The following CDC14A variants were observed in gnomAD, a reference collection of about 807,000 sequenced individuals.
CDC14A encodes dual specificity protein phosphatase CDC14A.
A neutral mutation model predicts 74.4 loss-of-function variants in CDC14A; 53 were observed. That is an observed-to-expected ratio of 0.71 (90% confidence interval 0.57 to 0.89). CDC14A has a LOEUF of 0.89. Among genes scored for constraint, CDC14A ranks in the 40% least tolerant of loss-of-function variants. The pLI is 0.00. For synonymous variants in CDC14A, 247 were observed against 258.4 expected (o/e 0.96, Z 0.43); for missense variants, 646 against 713.7 (o/e 0.91, Z 1.08).
Position 100,519,895 on chromosome 1 carries a change from A to G in CDC14A, c.*1615A>G, listed in dbSNP as rs1278360907. On this transcript the variant is annotated 3_prime_UTR_variant, in exon 16 of 16. Coordinates refer to ENST00000336454, the MANE Select transcript of CDC14A (RefSeq NM_003672.4). ...GTATTTTTTTCAAGTTATCATAAAAAGTAATTCAGATGACATTTGAGAAGT... is the reference window on the plus strand; with the variant it reads ...GTATTTTTTTCAAGTTATCATAAAAGGTAATTCAGATGACATTTGAGAAGT... 1 of 152,274 alleles carries G rather than the reference A, an allele frequency of 6.6e-6. No homozygotes were observed. The allele number at this position is 152,274 out of a possible 1,614,324, so 9.4% of individuals were successfully genotyped here. A position where few individuals can be genotyped will look rare whatever the true frequency, so the allele number is the denominator to read the frequency against.
At chr1:100,399,893 ATTTG>A (rs1467001032) in intron 4 of CDC14A, among the ~76,000 whole-genome samples, 2 of 152,016 alleles carry the variant, frequency 1.3e-5, no homozygotes, top group African/African-American at 4.8e-5. Context: ...ATCTGTGTCT[ATTTG>A]TTTCAATAGA....
Position 100,519,193 on chromosome 1 carries a change from G to A in CDC14A, c.*913G>A, listed in dbSNP as rs1211626245. ...CTGCTTTGGGTATGAGGTTGTTGTT[G>A]CCTGTAATCACACATGGTTTGACAT... On this transcript the variant is annotated 3_prime_UTR_variant, in exon 16 of 16. Coordinates refer to ENST00000336454, the MANE Select transcript of CDC14A (RefSeq NM_003672.4). The A allele has an allele frequency of 6.6e-6, 1 of 151,934 alleles. No individual in the cohort carries two copies. Among genetic ancestry groups the A allele is most frequent in the Admixed American group, 6.6e-5 (1 of 15,246 alleles). 9.4% of individuals were successfully genotyped at this position (151,934 alleles called of 1,614,324 possible).
At chr1:100,487,028 G>A (rs1348395401) in intron 11 of CDC14A, among the ~76,000 whole-genome samples, 1 of 152,166 alleles carries the variant, frequency 6.6e-6, no homozygotes, top group Non-Finnish European at 1.5e-5. Context: ...GATTGAGAAT[G>A]CTGTAAGAAT....
chr1:100,353,686 G>C (rs1296143134), intron 1 of CDC14A, 76 bp from the exon 2 acceptor site: 2 of 742,058 alleles, frequency 2.7e-6, no homozygotes, highest in Non-Finnish European at 4.7e-6. Context: ...GTGATCCTTC[G>C]TATGTTACCA....
At chr1:100,501,406 C>G (rs1211438582) in intron 15 of CDC14A, among the ~76,000 whole-genome samples, 2 of 152,066 alleles carry the variant, frequency 1.3e-5, no homozygotes. Flanking sequence ...CAATGGTGGT[C>G]CCATAAGACT....
intron 6 of CDC14A, 123 bp from the exon 7 acceptor site, chr1:100,442,811 A>T: frequency 1.4e-6 from 1 of 692,412 alleles, no homozygotes; most frequent in Non-Finnish European, 2.5e-6. Context: ...TGCATTAAAC[A>T]TCAAAGGTTT....
Position 100,402,151 on chromosome 1 carries a change from AT to A in CDC14A, c.309+11328del, listed in dbSNP as rs560701901. ...TGCATTCATTATGAAAAAAAAAAAA[AT>A]CGGAAAGGAGGTACTCAAAGCCCTG... is the stretch of plus-strand genomic sequence containing the variant. On this transcript the variant is annotated intron_variant, in intron 4 of 15. Transcript: ENST00000336454. 3.7e-3 allele frequency among the ~76,000 whole-genome samples: 559 copies of A among 151,968 alleles called. 4 individuals carry two copies. Among genetic ancestry groups the A allele is most frequent in the Middle Eastern group, 0.017 (5 of 294 alleles).
intron 7 of CDC14A, among the ~76,000 whole-genome samples, chr1:100,452,278 G>C (rs542114297): frequency 6.6e-6 from 1 of 152,252 alleles, no homozygotes; most frequent in Non-Finnish European, 1.5e-5. Flanking sequence ...TTGGGAGGCT[G>C]AGGTGGGTGG....
At chr1:100,459,120 C>CAGAGAG (rs1157099545) in intron 8 of CDC14A, among the ~76,000 whole-genome samples, 8 of 148,606 alleles carry the variant, frequency 5.4e-5, no homozygotes, top group African/African-American at 2.1e-4. Context: ...CACACACACA[C>CAGAGAG]ACACACAGAG....
intron 10 of CDC14A, among the ~76,000 whole-genome samples, chr1:100,475,560 G>C (rs1668804355): frequency 6.6e-6 from 1 of 152,148 alleles, no homozygotes; most frequent in Non-Finnish European, 1.5e-5. Flanking sequence ...AGCTGGGTTG[G>C]GGGGCAGGGG....
chr1:100,414,864 C>T (rs1200953894), intron 4 of CDC14A, among the ~76,000 whole-genome samples: 1 of 152,144 alleles, frequency 6.6e-6, no homozygotes, highest in Admixed American at 6.6e-5. Flanking sequence ...CTCCTTTCCC[C>T]CATTAACGTG....
At chr1:100,379,895 T>TG (rs950314284) in intron 3 of CDC14A, among the ~76,000 whole-genome samples, 7 of 152,088 alleles carry the variant, frequency 4.6e-5, no homozygotes, top group African/African-American at 1.4e-4. Flanking sequence ...AACAAAATCT[T>TG]GGGGGAACTA....
At chr1:100,427,561 G>A (rs907428551) in intron 5 of CDC14A, among the ~76,000 whole-genome samples, 1 of 152,102 alleles carries the variant, frequency 6.6e-6, no homozygotes, top group African/African-American at 2.4e-5. Flanking sequence ...TACATTTTAT[G>A]TATTACAAGG....
rs75647683 is a variant in CDC14A, at chr1:100,427,579, C to T, written c.389+3278C>T. ...ATTTTATGTATTACAAGGCTACATA[C>T]AACGTTAAAGCAAACACCTTGTATT... On this transcript the variant is annotated intron_variant, in intron 5 of 15. Coordinates refer to ENST00000336454, the MANE Select transcript of CDC14A (RefSeq NM_003672.4). 7.5e-3 allele frequency among the ~76,000 whole-genome samples: 1,147 copies of T among 152,254 alleles called. 13 individuals are homozygous for T. The highest frequency in any genetic ancestry group is 0.026 in the African/African-American group (1,096 of 41,546).
rs1658305037 is a variant in CDC14A, at chr1:100,395,214, G to A, written c.309+4390G>A. On this transcript the variant is annotated intron_variant, in intron 4 of 15. Transcript: ENST00000336454. ...TTTGTAAAATTTGGATAATACCTGA[G>A]TTTCCTTATCTGCTTCACAGGATTA... 2.0e-5 allele frequency among the ~76,000 whole-genome samples: 3 copies of A among 152,112 alleles called. No individual in the cohort carries two copies. In the South Asian group the frequency reaches 6.2e-4, roughly 32 times the overall value.
At chr1:100,348,812 G>A (rs137874761), upstream of CDC14A, among the ~76,000 whole-genome samples, 22 of 152,370 alleles carry the variant, frequency 1.4e-4, no homozygotes, top group African/African-American at 5.0e-4. Flanking sequence ...CTCCAGCAGT[G>A]AGTTTTCTAG....
At position 100,420,063 on chromosome 1, in the gene CDC14A, CATAT is replaced by C. The variant is rs1553180578; in HGVS notation, c.310-4143_310-4140del. ...ACACACACACACACACACACACACA[CATAT>C]ATATATATATATATAGTGTGTATGT... On this transcript the variant is annotated intron_variant, in intron 4 of 15. Transcript: ENST00000336454. Among the ~76,000 whole-genome samples the C allele has an allele frequency of 1.1e-4, 7 of 61,566 alleles. 1 individual carries two copies. The highest frequency in any genetic ancestry group is 2.3e-4 in the Admixed American group (1 of 4,378). 40.4% of individuals were successfully genotyped at this position (61,566 alleles called of 152,430 possible).
At chr1:100,487,984 TGAA>T (rs1466762142) in intron 11 of CDC14A, among the ~76,000 whole-genome samples, 1 of 152,148 alleles carries the variant, frequency 6.6e-6, no homozygotes, top group African/African-American at 2.4e-5. Flanking sequence ...TGTGAATGGA[TGAA>T]GAAGGCTTAT....
intron 7 of CDC14A, among the ~76,000 whole-genome samples, chr1:100,451,594 A>T (rs1666148650): frequency 6.6e-6 from 1 of 152,230 alleles, no homozygotes; most frequent in Non-Finnish European, 1.5e-5. Flanking sequence ...TTTAGAAGTT[A>T]GGGAAATATA....
Sources: gnomAD v4.1 joint callset for allele counts (sites outside exome capture counted in the v4.1 genomes callset) on GRCh38, gnomAD v4.1.1 for gene constraint, MANE v1.5 for transcripts, NCBI Gene and HGNC (gene_info 2026-07-23, HGNC 2026-07-21) for gene names.